The following NABP2 variants were observed in gnomAD, a reference collection of about 807,000 sequenced individuals.
NABP2 encodes nucleic acid binding protein 2.
NABP2 carries 7 observed loss-of-function variants against 22.7 expected under a neutral mutation model. The observed-to-expected ratio is 0.31, with a 90% CI of 0.18 to 0.58. NABP2 has a LOEUF of 0.58. NABP2 is among the 20% of genes least tolerant of loss of function. The pLI is 0.89. For synonymous variants in NABP2, 107 were observed against 99.2 expected (o/e 1.08, Z -0.47); for missense variants, 188 against 265.9 (o/e 0.71, Z 2.04).
chr12:56,225,143 CG>C (rs1359423369), intron 2 of NABP2, among the ~76,000 whole-genome samples: 1 of 152,024 alleles, frequency 6.6e-6, no homozygotes, highest in Non-Finnish European at 1.5e-5. Context: ...CTGTGCGACG[CG>C]GGCCTCTTTC....
At chr12:56,228,680 C>T (rs950381887) in intron 6 of NABP2, among the ~76,000 whole-genome samples, 3 of 152,176 alleles carry the variant, frequency 2.0e-5, no homozygotes, top group African/African-American at 7.2e-5. Context: ...GCCACCACGC[C>T]TGGCCCAGTA....
chr12:56,228,231 A>G (rs1023330414), intron 6 of NABP2, among the ~76,000 whole-genome samples: 5 of 152,134 alleles, frequency 3.3e-5, no homozygotes, highest in Non-Finnish European at 7.3e-5. Context: ...TAATCTTTTC[A>G]CTGATGGTTA....
chr12:56,228,245 A>G (rs191132312), intron 6 of NABP2, among the ~76,000 whole-genome samples: 2 of 152,294 alleles, frequency 1.3e-5, no homozygotes, highest in East Asian at 3.9e-4. Flanking sequence ...ATGGTTATCT[A>G]TATTTTCTAA....
At chr12:56,225,593 T>A (rs769489553) in intron 3 of NABP2, 31 bp from the exon 4 acceptor site, 3 of 1,614,138 alleles carry the variant, frequency 1.9e-6, no homozygotes, top group Non-Finnish European at 2.5e-6. Context: ...CACTTCTGAG[T>A]ACTGAATTTT....
Position 56,229,087 on chromosome 12 carries a change from T to A in NABP2, c.510T>A (p.Thr170=), listed in dbSNP as rs1869962631. 2.0e-6 allele frequency: 3 copies of A among 1,513,312 alleles called. No homozygotes were observed. Among genetic ancestry groups the A allele is most frequent in the African/African-American group, 1.4e-5 (1 of 71,048 alleles). 93.7% of individuals were successfully genotyped at this position (1,513,312 alleles called of 1,614,324 possible). The change falls in exon 7 of 7, where the codon ACT becomes ACA. Residue 170 remains threonine (T), a synonymous_variant. Transcript: ENST00000267023. ...GPGGGPHPPH[T]PSHPPSTRIT... is the part of the protein sequence containing the mutation. Reference sequence around the variant, plus strand: ...GTGGTGGCCCACATCCCCCTCATACTCCCTCCCACCCACCCAGCACCCGAA... The same window carrying A: ...GTGGTGGCCCACATCCCCCTCATACACCCTCCCACCCACCCAGCACCCGAA...
chr12:56,226,534 C>T (rs1259852743), intron 6 of NABP2, 115 bp downstream of exon 6: 8 of 821,238 alleles, frequency 9.7e-6, no homozygotes, highest in African/African-American at 1.8e-5. Context: ...GTGTATCCTC[C>T]TTCACCCAAT....
chr12:56,224,776 T>G (rs773892079), intron 1 of NABP2, 58 bp from the exon 2 acceptor site: 16 of 1,462,462 alleles, frequency 1.1e-5, no homozygotes, highest in Non-Finnish European at 1.5e-5. Flanking sequence ...CCTTGGGAAG[T>G]GGAGCATGGG....
upstream of NABP2, chr12:56,224,221 C>A (rs1482620661): frequency 3.2e-6 from 2 of 618,074 alleles, no homozygotes; most frequent in Non-Finnish European, 4.1e-6. Context: ...TCGCCCCCTT[C>A]GCGGCGCACG....
At chr12:56,225,313 G>A (rs1338001395) in intron 2 of NABP2, 60 bp from the exon 3 acceptor site, 3 of 1,605,096 alleles carry the variant, frequency 1.9e-6, no homozygotes, top group Admixed American at 1.7e-5. Context: ...TCATCCTTCT[G>A]AGAGATACCA....
chr12:56,224,708 T>G (rs1869677788), intron 1 of NABP2, 126 bp from the exon 2 acceptor site: 1 of 939,634 alleles, frequency 1.1e-6, no homozygotes, highest in South Asian at 1.7e-5. Flanking sequence ...TTTTTTAATC[T>G]TTTAGAAGGG....
At chr12:56,227,574 G>T (rs1018018425) in intron 6 of NABP2, among the ~76,000 whole-genome samples, 2 of 152,098 alleles carry the variant, frequency 1.3e-5, no homozygotes, top group Admixed American at 6.6e-5. Flanking sequence ...ATTATAATAC[G>T]CCATGGTTAA....
Position 56,229,328 on chromosome 12 carries a change from GGGT to G in NABP2, c.*120_*122del. On this transcript the variant is annotated 3_prime_UTR_variant, in exon 7 of 7. Coordinates refer to ENST00000267023, the MANE Select transcript of NABP2 (RefSeq NM_024068.4). ...ATTTTAGCCACTGAACTTCAGTGGAGGGTGGTGAGCAGTGTCCTTATCCACCCT... is the reference window on the plus strand; with the variant it reads ...ATTTTAGCCACTGAACTTCAGTGGAGGGTGAGCAGTGTCCTTATCCACCCT... The G allele has an allele frequency of 8.7e-7, 1 of 1,143,904 alleles. No individual in the cohort carries two copies. Among genetic ancestry groups the G allele is most frequent in the Non-Finnish European group, 1.3e-6 (1 of 787,962 alleles). 70.9% of individuals were successfully genotyped at this position (1,143,904 alleles called of 1,614,324 possible). A position where few individuals can be genotyped will look rare whatever the true frequency, so the allele number is the denominator to read the frequency against.
In NABP2 at chr12:56,229,337, G is replaced by A; in HGVS notation, c.*124G>A. The A allele has an allele frequency of 9.7e-7, 1 of 1,026,310 alleles. No individual in the cohort carries two copies. Among genetic ancestry groups the A allele is most frequent in the South Asian group, 1.5e-5 (1 of 66,768 alleles). The allele number at this position is 1,026,310 out of a possible 1,614,324, so 63.6% of individuals were successfully genotyped here. ...ACTGAACTTCAGTGGAGGGTGGTGAGCAGTGTCCTTATCCACCCTAATCTC... is the reference window on the plus strand; with the variant it reads ...ACTGAACTTCAGTGGAGGGTGGTGAACAGTGTCCTTATCCACCCTAATCTC... On this transcript the variant is annotated 3_prime_UTR_variant, in exon 7 of 7. Transcript: ENST00000267023.
rs1323977945 is a variant in NABP2, at chr12:56,225,713, G to A, written c.290+18G>A. The A allele has an allele frequency of 6.2e-7, 1 of 1,613,980 alleles. No individual in the cohort carries two copies. Among genetic ancestry groups the A allele is most frequent in the African/African-American group, 1.3e-5 (1 of 75,064 alleles). ...ATTGGAGAGTAAGTGCTGTCTTGGG[G>A]ATTGGGATGAAGAAGCACCAGGGCA... On this transcript the variant is annotated intron_variant, in intron 4 of 6. Coordinates refer to ENST00000267023, the MANE Select transcript of NABP2 (RefSeq NM_024068.4).
At chr12:56,226,718 A>G (rs534458203) in intron 6 of NABP2, among the ~76,000 whole-genome samples, 1 of 101,252 alleles carries the variant, frequency 9.9e-6, no homozygotes, top group East Asian at 3.3e-4. Context: ...GGCACCTGCC[A>G]CCATGCCCGG....
rs1869983286 is a variant in NABP2, at chr12:56,229,198, G to A, written c.621G>A (p.Arg207=). 3.7e-6 allele frequency: 6 copies of A among 1,612,306 alleles called. No individual in the cohort carries two copies. The highest frequency in any genetic ancestry group is 3.3e-5 in the Admixed American group (2 of 59,962). Residue 207 remains arginine (R), a synonymous_variant, in exon 7 of 7, where the codon AGG becomes AGA. Coordinates refer to ENST00000267023, the MANE Select transcript of NABP2 (RefSeq NM_024068.4). ...TTAGTAACGGCAAAGAAACCCGGAGGAGCAGCAAGAGATAGCATGACATTC... is the reference window on the plus strand; with the variant it reads ...TTAGTAACGGCAAAGAAACCCGGAGAAGCAGCAAGAGATAGCATGACATTC... ...NPVSNGKETR[R]SSKR
intron 6 of NABP2, 94 bp downstream of exon 6, chr12:56,226,513 C>T: frequency 1.9e-6 from 2 of 1,046,028 alleles, no homozygotes; most frequent in Non-Finnish European, 3.0e-6. Context: ...TTCCAAATCT[C>T]TCTTTTCTCA....
chr12:56,228,795 G>A (rs573615592), intron 6 of NABP2, among the ~76,000 whole-genome samples: 213 of 152,226 alleles, frequency 1.4e-3, no homozygotes, highest in Non-Finnish European at 1.6e-3. Context: ...ATACCGTACC[G>A]AGGTTCATGT....
intron 1 of NABP2, 145 bp from the exon 2 acceptor site, chr12:56,224,689 G>T: frequency 1.1e-6 from 1 of 897,722 alleles, no homozygotes; most frequent in Non-Finnish European, 1.6e-6. Context: ...GAGGCCTCCG[G>T]GGATGTTCTT....
Sources: allele counts gnomAD v4.1 joint callset (sites outside exome capture counted in the v4.1 genomes callset), GRCh38; gene constraint gnomAD v4.1.1; transcripts MANE v1.5; gene names NCBI Gene and HGNC (gene_info 2026-07-23, HGNC 2026-07-21).